The following MGMT variants were observed in gnomAD, a reference collection of about 807,000 sequenced individuals.
MGMT encodes methylated-DNA--protein-cysteine methyltransferase.
Under a neutral mutation model 15.9 loss-of-function variants are expected in MGMT, and 14 were observed. The ratio of observed to expected loss-of-function variants is 0.88; its 90% CI spans 0.58 to 1.37. The LOEUF (loss-of-function observed/expected upper bound fraction) is 1.37. Ranked by LOEUF, MGMT falls within the 40% of genes most tolerant of loss-of-function variation. MGMT has a pLI of 0.00. For synonymous variants in MGMT, 130 were observed against 118.2 expected (o/e 1.10, Z -0.65); for missense variants, 282 against 268.1 (o/e 1.05, Z -0.36).
At chr10:129,597,574 T>A (rs547131770) in intron 2 of MGMT, among the ~76,000 whole-genome samples, 48 of 152,330 alleles carry the variant, frequency 3.2e-4, no homozygotes, top group Non-Finnish European at 6.3e-4. Context: ...GCCATTCCCT[T>A]ACCCCCTTAT....
chr10:129,479,549 G>A (rs549790687), intron 1 of MGMT, among the ~76,000 whole-genome samples: 117 of 152,162 alleles, frequency 7.7e-4, no homozygotes, highest in African/African-American at 2.7e-3. Flanking sequence ...TTATGAGAAC[G>A]TCTCCCAAAG....
At chr10:129,589,133 G>C (rs778251068) in intron 2 of MGMT, among the ~76,000 whole-genome samples, 35 of 152,228 alleles carry the variant, frequency 2.3e-4, no homozygotes, top group South Asian at 4.1e-4. Flanking sequence ...GGAGCACCAG[G>C]GAGTACAATC....
chr10:129,700,564 G>T (rs1226145538), intron 2 of MGMT: 1 of 152,130 alleles, frequency 6.6e-6, no homozygotes, highest in East Asian at 1.9e-4. Flanking sequence ...GTCAACTCCA[G>T]AGGAAGGGAC....
chr10:129,555,947 A>T (rs931037814), intron 2 of MGMT, among the ~76,000 whole-genome samples: 1 of 152,080 alleles, frequency 6.6e-6, no homozygotes, highest in African/African-American at 2.4e-5. Flanking sequence ...GCATTCGGAG[A>T]ACTGAGCGCT....
chr10:129,611,101 T>C (rs1443109475), intron 2 of MGMT, among the ~76,000 whole-genome samples: 4 of 152,038 alleles, frequency 2.6e-5, no homozygotes. Flanking sequence ...TCCTAGGGAG[T>C]AGAGGAGGCC....
At chr10:129,717,109 T>C (rs1848308436) in intron 3 of MGMT, among the ~76,000 whole-genome samples, 1 of 152,116 alleles carries the variant, frequency 6.6e-6, no homozygotes, top group South Asian at 2.1e-4. Context: ...TACAGAGAAT[T>C]TTTATATGGT....
Position 129,659,573 on chromosome 10 carries a change from A to G in MGMT, c.126-48322A>G, listed in dbSNP as rs1564751483. On this transcript the variant is annotated intron_variant, in intron 2 of 4. Transcript: ENST00000651593. This position sits in a 1 kb window ranked among gnomAD's most constrained non-coding sequence, Gnocchi z 4.1. ...GCATATTAGTTCCGAGGCTACTGGC[A>G]TTATTATTTAATGATGAGTTAGTGC... is the stretch of plus-strand genomic sequence containing the variant. Among the ~76,000 whole-genome samples the G allele has an allele frequency of 6.6e-6, 1 of 152,296 alleles. No homozygotes were observed. Among genetic ancestry groups the G allele is most frequent in the East Asian group, 1.9e-4 (1 of 5,188 alleles).
chr10:129,561,356 A>G (rs553402048), intron 2 of MGMT, among the ~76,000 whole-genome samples: 4,456 of 152,116 alleles, frequency 0.029, 110 homozygotes, highest in South Asian at 0.065. Context: ...GTCGGGAAGG[A>G]GCCTCCACAC....
At chr10:129,469,618 G>A (rs1794697484) in intron 1 of MGMT, among the ~76,000 whole-genome samples, 1 of 152,166 alleles carries the variant, frequency 6.6e-6, no homozygotes, top group African/African-American at 2.4e-5. Context: ...TTGGGCTGTT[G>A]CTACGGTCCT....
chr10:129,735,396 T>C (rs972854738), intron 3 of MGMT, among the ~76,000 whole-genome samples: 1 of 152,198 alleles, frequency 6.6e-6, no homozygotes, highest in Non-Finnish European at 1.5e-5. Context: ...TCTGTGGGAT[T>C]GGTGATGATA....
intron 4 of MGMT, among the ~76,000 whole-genome samples, chr10:129,763,596 A>C (rs939551457): frequency 5.9e-5 from 9 of 152,186 alleles, no homozygotes; most frequent in Admixed American, 3.3e-4. Flanking sequence ...GAGAAGAAAA[A>C]CCAAAGCTCT....
At chr10:129,638,446 G>GAAAAAAAAAAA (rs1157292152) in intron 2 of MGMT, among the ~76,000 whole-genome samples, 2 of 96,342 alleles carry the variant, frequency 2.1e-5, no homozygotes, top group African/African-American at 7.5e-5. Flanking sequence ...AAAAAAAAAA[G>GAAAAAAAAAAA]AAAAAAAAAA....
intron 1 of MGMT, among the ~76,000 whole-genome samples, chr10:129,486,295 C>T (rs1845408999): frequency 6.6e-6 from 1 of 150,424 alleles, no homozygotes; most frequent in African/African-American, 2.4e-5. Context: ...TTAAGCAATT[C>T]TCCTGCCTTA....
At chr10:129,765,704 C>T (rs55922446) in intron 4 of MGMT, among the ~76,000 whole-genome samples, 19,001 of 152,174 alleles carry the variant, frequency 0.12, 1,239 homozygotes, top group Middle Eastern at 0.18. Flanking sequence ...GAGATCAGGG[C>T]GCCCCGAACC....
At chr10:129,708,648 T>C (rs1848195859) in intron 3 of MGMT, among the ~76,000 whole-genome samples, 1 of 152,230 alleles carries the variant, frequency 6.6e-6, no homozygotes, top group Non-Finnish European at 1.5e-5. Context: ...TTGGCTCTGC[T>C]CAATACAGAA....
chr10:129,684,961 G>C (rs907076151), intron 2 of MGMT, among the ~76,000 whole-genome samples: 1 of 152,236 alleles, frequency 6.6e-6, no homozygotes, highest in Non-Finnish European at 1.5e-5. Flanking sequence ...TTTGCATCTT[G>C]ATGTGATGCT....
At chr10:129,743,154 C>T (rs1848657494) in intron 3 of MGMT, among the ~76,000 whole-genome samples, 3 of 152,166 alleles carry the variant, frequency 2.0e-5, no homozygotes, top group East Asian at 1.9e-4. Flanking sequence ...CTGGAATACC[C>T]GCTTTATCTC....
intron 2 of MGMT, among the ~76,000 whole-genome samples, chr10:129,654,776 TCTAC>T (rs1376850806): frequency 6.6e-6 from 1 of 152,042 alleles, no homozygotes; most frequent in African/African-American, 2.4e-5. Flanking sequence ...TGCCCATACC[TCTAC>T]CTTAGGCCCC....
chr10:129,767,154 A>G lies in MGMT; in HGVS notation c.*157A>G. On this transcript the variant is annotated 3_prime_UTR_variant, in exon 5 of 5. Transcript: ENST00000651593. ...CCATATTTTACAGCAGGATGAGTTC[A>G]GACGCCCGCGGTCCTGCACACATTT... 1 of 641,594 alleles carries G rather than the reference A, an allele frequency of 1.6e-6. No homozygotes were observed. The highest frequency in any genetic ancestry group is 2.0e-5 in the South Asian group (1 of 48,810). 39.7% of individuals were successfully genotyped at this position (641,594 alleles called of 1,614,324 possible). A position where few individuals can be genotyped will look rare whatever the true frequency, so the allele number is the denominator to read the frequency against.
Sources: allele counts gnomAD v4.1 joint callset (sites outside exome capture counted in the v4.1 genomes callset), GRCh38; gene constraint gnomAD v4.1.1; non-coding constraint Gnocchi (gnomAD v3.1); transcripts MANE v1.5; gene names NCBI Gene and HGNC (gene_info 2026-07-23, HGNC 2026-07-21).